The following SVEP1 variants were observed in gnomAD, a reference collection of about 807,000 sequenced individuals.
SVEP1 encodes sushi, von Willebrand factor type A, EGF and pentraxin domain containing 1, also known as sushi, von Willebrand factor type A, EGF and pentraxin domain-containing protein 1.
Under a neutral mutation model 367.3 loss-of-function variants are expected in SVEP1, and 164 were observed. The observed-to-expected ratio is 0.45, with a 90% CI of 0.39 to 0.51. The LOEUF (loss-of-function observed/expected upper bound fraction) is 0.51, where lower values mean the gene tolerates loss of function less well. Among genes scored for constraint, SVEP1 ranks in the 20% least tolerant of loss-of-function variants. The pLI is 0.00. For missense variants in SVEP1, 4,117 were observed against 4,425.3 expected (o/e 0.93, Z 1.98); for synonymous variants, 1,666 against 1,611.6 (o/e 1.03, Z -0.81).
intron 23 of SVEP1, 43 bp from the exon 24 acceptor site, chr9:110,450,303 C>T (rs772550555): frequency 6.3e-7 from 1 of 1,593,700 alleles, no homozygotes; most frequent in Middle Eastern, 1.7e-4. Flanking sequence ...ATGATTAACT[C>T]CCTGGGAACA....
At chr9:110,505,092 C>T (rs1248052433) in intron 5 of SVEP1, among the ~76,000 whole-genome samples, 4 of 152,146 alleles carry the variant, frequency 2.6e-5, no homozygotes, top group African/African-American at 7.2e-5. Context: ...AAAAGTGCCA[C>T]GAGTTATCCA....
chr9:110,550,022 C>T lies in SVEP1; in HGVS notation c.614G>A (p.Arg205Lys). 6.2e-7 allele frequency: 1 copy of T among 1,613,992 alleles called. No individual in the cohort carries two copies. The highest frequency in any genetic ancestry group is 8.5e-7 in the Non-Finnish European group (1 of 1,179,890). ...TDGYSNGGDP[R>K]PIAASLRDSG... ...ATCTCGCAGTGACGCTGCAATTGGTCTAGGGTCTCCCCCATTGGAATATCC... is the reference window on the plus strand; with the variant it reads ...ATCTCGCAGTGACGCTGCAATTGGTTTAGGGTCTCCCCCATTGGAATATCC... Residue 205 changes from arginine (R) to lysine (K), a missense_variant, in exon 2 of 48, where the codon AGA becomes AAA. Around this residue, in one of 4 missense-constraint regions of SVEP1, gnomAD observed 2,174 missense variants for 2,494.3 expected, o/e 0.87. Coordinates refer to ENST00000374469, the MANE Select transcript of SVEP1 (RefSeq NM_153366.4).
intron 24 of SVEP1, among the ~76,000 whole-genome samples, chr9:110,447,751 T>G (rs921395555): frequency 6.6e-6 from 1 of 152,248 alleles, no homozygotes; most frequent in Non-Finnish European, 1.5e-5. Flanking sequence ...TTTTCTGCTC[T>G]AGGAGATAAT....
chr9:110,390,379 A>G (rs1445670111), intron 40 of SVEP1, among the ~76,000 whole-genome samples: 3 of 116,660 alleles, frequency 2.6e-5, no homozygotes, highest in African/African-American at 6.1e-5. Flanking sequence ...ATCTACTTAT[A>G]TATATATATA....
chr9:110,546,474 T>C (rs1830222735), intron 2 of SVEP1, among the ~76,000 whole-genome samples, 183 bp from the exon 3 acceptor site: 1 of 152,172 alleles, frequency 6.6e-6, no homozygotes, highest in African/African-American at 2.4e-5. Context: ...GCTCTGGGAA[T>C]TCGTTGAAGC....
Position 110,427,642 on chromosome 9 carries a change from G to T in SVEP1, c.5924C>A (p.Thr1975Lys), listed in dbSNP as rs186589232. 9.2e-5 allele frequency: 148 copies of T among 1,613,814 alleles called. No homozygotes were observed. The Admixed American group carries it at 1.3e-3, about 14-fold the overall frequency. The change falls in exon 36 of 48, where the codon ACG becomes AAG. Residue 1975 changes from threonine to lysine, a missense_variant. Around this residue, in one of 4 missense-constraint regions of SVEP1, gnomAD observed 2,174 missense variants for 2,494.3 expected, o/e 0.87. Transcript: ENST00000374469. ...GTTCCTGAAAGTGAAGTTATTCCCCGTAATGACAGCATCTTTGATGGCAGG... is the reference window on the plus strand; with the variant it reads ...GTTCCTGAAAGTGAAGTTATTCCCCTTAATGACAGCATCTTTGATGGCAGG... The part of the protein sequence containing the change: ...EPPAIKDAVI[T>K]GNNFTFRNTV...
intron 3 of SVEP1, among the ~76,000 whole-genome samples, chr9:110,527,479 A>G (rs1464124691): frequency 6.6e-6 from 1 of 152,086 alleles, no homozygotes; most frequent in East Asian, 1.9e-4. Flanking sequence ...ATTGTGCTCC[A>G]TAAAGGATTC....
chr9:110,563,225 A>T (rs1388185054), intron 1 of SVEP1, among the ~76,000 whole-genome samples: 2 of 152,234 alleles, frequency 1.3e-5, no homozygotes, highest in African/African-American at 4.8e-5. Context: ...GGAATCTATT[A>T]TATGGAAAAA....
chr9:110,442,617 T>C (rs1199839642), intron 27 of SVEP1: 1 of 150,900 alleles, frequency 6.6e-6, no homozygotes, highest in African/African-American at 2.4e-5. Context: ...TCTACCACCA[T>C]GCCTGGCTAA....
chr9:110,480,135 A>T (rs1206009921), intron 12 of SVEP1, among the ~76,000 whole-genome samples: 5 of 152,238 alleles, frequency 3.3e-5, no homozygotes, highest in African/African-American at 7.2e-5. Context: ...TAATAATTTT[A>T]AAAAATAGGC....
At position 110,465,850 on chromosome 9, in the gene SVEP1, T is replaced by G. The variant is rs370260691; in HGVS notation, c.3322+15A>C. Reference sequence around the variant, plus strand: ...GTAGGTTTAAAGAAATATCAATGTCTAAGGCTTTGATAACCTCCACATGCA... The same window carrying G: ...GTAGGTTTAAAGAAATATCAATGTCGAAGGCTTTGATAACCTCCACATGCA... On this transcript the variant is annotated intron_variant, in intron 18 of 47. Coordinates refer to ENST00000374469, the MANE Select transcript of SVEP1 (RefSeq NM_153366.4). The G allele has an allele frequency of 6.2e-7, 1 of 1,610,160 alleles. No individual in the cohort carries two copies. The highest frequency in any genetic ancestry group is 8.5e-7 in the Non-Finnish European group (1 of 1,177,816).
chr9:110,480,797 A>G (rs1157090006), intron 12 of SVEP1, among the ~76,000 whole-genome samples: 1 of 149,432 alleles, frequency 6.7e-6, no homozygotes, highest in Non-Finnish European at 1.5e-5. Flanking sequence ...AGGCCCAACT[A>G]ATTTTTTTTT....
chr9:110,430,225 T>G (rs1260143563), intron 33 of SVEP1, 49 bp downstream of exon 33: 1 of 1,557,906 alleles, frequency 6.4e-7, no homozygotes, highest in South Asian at 1.2e-5. Flanking sequence ...ACGCCTTACC[T>G]TTCTAGGATT....
intron 16 of SVEP1, among the ~76,000 whole-genome samples, chr9:110,471,062 C>T (rs1048108524): frequency 6.6e-6 from 1 of 152,018 alleles, no homozygotes; most frequent in African/African-American, 2.4e-5. Context: ...GACTGGTGCT[C>T]AGCTGGAATA....
rs201756124 is a variant in SVEP1 at position 110,386,045 on chromosome 9, G to A, written c.10090C>T (p.Pro3364Ser). ...TTTTCAGACAGCAGAGCATTCTCGG[G>A]AATCACAAAAGGAACAGGGCATGGA... Reference protein sequence around the residue: ...PNPCPVPFVIPENALLSEKEF... With the variant: ...PNPCPVPFVISENALLSEKEF... Residue 3364 changes from proline to serine, a missense_variant, in exon 43 of 48, where the codon CCC becomes TCC. Transcript: ENST00000374469. 220 of 1,613,218 alleles carry A rather than the reference G, an allele frequency of 1.4e-4. No homozygotes were observed. Among genetic ancestry groups the A allele is most frequent in the Non-Finnish European group, 1.7e-4 (203 of 1,179,602 alleles).
chr9:110,378,753 G>T (rs1464380984), intron 44 of SVEP1, among the ~76,000 whole-genome samples: 1 of 125,650 alleles, frequency 8.0e-6, no homozygotes, highest in Non-Finnish European at 1.6e-5. Context: ...ACACTCTGGG[G>T]ACTGTTGTGG....
intron 40 of SVEP1, among the ~76,000 whole-genome samples, chr9:110,398,474 A>C (rs2118989645): frequency 6.6e-6 from 1 of 152,354 alleles, no homozygotes; most frequent in East Asian, 1.9e-4. Context: ...ATGGCAACAA[A>C]AGCCAAAATT....
Position 110,496,857 on chromosome 9 carries a change from A to C in SVEP1, c.1758T>G (p.Val586=). 1.3e-6 allele frequency: 2 copies of C among 1,558,674 alleles called. No homozygotes were observed. Among genetic ancestry groups the C allele is most frequent in the Non-Finnish European group, 1.7e-6 (2 of 1,149,746 alleles). ...KTLEQQDSAN[V]TWQIPTAKDN... ...CTTTAGCTGTTGGAATCTGCCAGGTAACATTGGCAGAATCTTGCTGTTCCA... is the reference window on the plus strand; with the variant it reads ...CTTTAGCTGTTGGAATCTGCCAGGTCACATTGGCAGAATCTTGCTGTTCCA... The change falls in exon 8 of 48, where the codon GTT becomes GTG. Residue 586 remains valine (V), a synonymous_variant. Transcript: ENST00000374469.
intron 16 of SVEP1, among the ~76,000 whole-genome samples, chr9:110,470,763 T>G (rs1162609960): frequency 6.7e-6 from 1 of 148,918 alleles, no homozygotes; most frequent in African/African-American, 2.4e-5. Context: ...TATATATATA[T>G]ATAGAAAAAT....
Sources: allele counts gnomAD v4.1 joint callset (sites outside exome capture counted in the v4.1 genomes callset), GRCh38; gene constraint gnomAD v4.1.1; regional missense constraint gnomAD v4.1.1; transcripts MANE v1.5; gene names NCBI Gene and HGNC (gene_info 2026-07-23, HGNC 2026-07-21).